The following ERN1 variants were observed in gnomAD, a reference collection of about 807,000 sequenced individuals.
ERN1 encodes endoplasmic reticulum to nucleus signaling 1.
ERN1 carries 39 observed loss-of-function variants against 113.1 expected under a neutral mutation model. That is an observed-to-expected ratio of 0.34 (90% CI 0.27 to 0.45). The LOEUF (loss-of-function observed/expected upper bound fraction) is 0.45. Among genes scored for constraint, ERN1 ranks in the 20% least tolerant of loss-of-function variants. ERN1 has a pLI of 1.00. For synonymous variants in ERN1, 507 were observed against 515.9 expected (o/e 0.98, Z 0.23); for missense variants, 976 against 1,274.8 (o/e 0.77, Z 3.57).
At chr17:64,068,369 T>C in intron 6 of ERN1, 78 bp from the exon 7 acceptor site, 1 of 974,664 alleles carries the variant, frequency 1.0e-6, no homozygotes, top group South Asian at 1.4e-5. Flanking sequence ...TATCTAATTA[T>C]AACAAACAAA....
At chr17:64,107,441 C>T (rs1914559001) in intron 1 of ERN1, among the ~76,000 whole-genome samples, 1 of 152,138 alleles carries the variant, frequency 6.6e-6, no homozygotes, top group South Asian at 2.1e-4. Flanking sequence ...CCCACCTCAG[C>T]CTCCCGAGTA....
Position 64,043,599 on chromosome 17 carries a change from A to T in ERN1, c.*389T>A. On this transcript the variant is annotated 3_prime_UTR_variant, in exon 22 of 22. Transcript: ENST00000433197. ...TGCATCTCAGCCTAGCTGTCCCAGC[A>T]CGCAAGCAAAATGTACGATTCCCTC... 2 of 165,640 alleles carry T rather than the reference A, an allele frequency of 1.2e-5. No individual in the cohort carries two copies. Among genetic ancestry groups the T allele is most frequent in the Non-Finnish European group, 1.3e-5 (1 of 77,272 alleles). The allele number at this position is 165,640 out of a possible 1,614,324, so 10.3% of individuals were successfully genotyped here.
At chr17:64,046,682 A>T (rs1014691308) in intron 19 of ERN1, among the ~76,000 whole-genome samples, 2 of 152,196 alleles carry the variant, frequency 1.3e-5, no homozygotes, top group Non-Finnish European at 2.9e-5. Flanking sequence ...CCTGTCCTCG[A>T]GGAGCTTACA....
chr17:64,100,064 C>T (rs1914342743), intron 1 of ERN1, among the ~76,000 whole-genome samples: 1 of 152,122 alleles, frequency 6.6e-6, no homozygotes, highest in Admixed American at 6.5e-5. Context: ...GTGGTATCTG[C>T]CCTAGCCGGG....
intron 6 of ERN1, among the ~76,000 whole-genome samples, chr17:64,069,278 T>C (rs949119077): frequency 6.6e-6 from 1 of 152,186 alleles, no homozygotes; most frequent in African/African-American, 2.4e-5. Context: ...ATGGCTTTTA[T>C]CTAATGGAAT....
At chr17:64,048,547 G>C (rs1254453836) in intron 18 of ERN1, among the ~76,000 whole-genome samples, 1 of 152,118 alleles carries the variant, frequency 6.6e-6, no homozygotes, top group Non-Finnish European at 1.5e-5. Context: ...AGGCAGCACT[G>C]GAGTGTCATG....
In ERN1 at chr17:64,047,900, G is replaced by A. The variant is rs765215425; in HGVS notation, c.2487C>T (p.His829=). The A allele has an allele frequency of 1.2e-6, 2 of 1,613,368 alleles. No individual in the cohort carries two copies. Among genetic ancestry groups the A allele is most frequent in the South Asian group, 2.2e-5 (2 of 91,038 alleles). Residue 829 remains histidine, a synonymous_variant, in exon 19 of 22, where the codon CAC becomes CAT. Coordinates refer to ENST00000433197, the MANE Select transcript of ERN1 (RefSeq NM_001433.5). ...KRPSAKHVLK[H]PFFWSLEKQL... The stretch of plus-strand genomic sequence containing the variant: ...GCTTCTCTAGGCTCCAGAAGAACGG[G>A]TGTTTGAGCACATGCTTCGCTGAGG...
chr17:64,113,745 G>A (rs547560216), intron 1 of ERN1, among the ~76,000 whole-genome samples: 24 of 152,122 alleles, frequency 1.6e-4, no homozygotes, highest in South Asian at 1.0e-3. Context: ...GTGCAGTGGC[G>A]TGATCTCGGC....
chr17:64,095,114 T>G (rs537330878), intron 2 of ERN1, among the ~76,000 whole-genome samples: 55 of 152,314 alleles, frequency 3.6e-4, no homozygotes, highest in Non-Finnish European at 7.8e-4. Context: ...GCCAGTTTAT[T>G]CTTAGAAAAA....
chr17:64,045,280 G>C, intron 20 of ERN1, 79 bp downstream of exon 20: 1 of 1,555,782 alleles, frequency 6.4e-7, no homozygotes, highest in Non-Finnish European at 8.8e-7. Context: ...AGCCTGGAGC[G>C]GCCATTTCCA....
chr17:64,056,962 A>C (rs1157189984), intron 12 of ERN1, among the ~76,000 whole-genome samples: 1 of 152,106 alleles, frequency 6.6e-6, no homozygotes, highest in Admixed American at 6.6e-5. Context: ...CAGCATCTCG[A>C]TGCTCTGAGC....
chr17:64,083,428 A>C (rs1270398859), intron 2 of ERN1, among the ~76,000 whole-genome samples: 1 of 152,202 alleles, frequency 6.6e-6, no homozygotes, highest in Non-Finnish European at 1.5e-5. Context: ...TGTGAAAAGA[A>C]ACACTGTCCT....
At chr17:64,129,558 C>A (rs985685856) in intron 1 of ERN1, 2 of 349,592 alleles carry the variant, frequency 5.7e-6, no homozygotes, top group Non-Finnish European at 5.1e-6. Flanking sequence ...CCTTTCGGCT[C>A]CTCCGCGGCC....
chr17:64,064,061 T>C lies in ERN1; in HGVS notation c.1012A>G (p.Thr338Ala), dbSNP rs1913138713. 1 of 1,613,846 alleles carries C rather than the reference T, an allele frequency of 6.2e-7. No homozygotes were observed. ...AGTCCGGGATCAAACTTGACGTCCG[T>C]GCTGGGCGTGATCACACACTCCCCC... ...DKGECVITPS[T>A]DVKFDPGLKS... Residue 338 changes from threonine (T) to alanine (A), a missense_variant, in exon 10 of 22, where the codon ACG (threonine) becomes GCG (alanine). By Grantham distance (58) the Thr-to-Ala change is moderately conservative. Coordinates refer to ENST00000433197, the MANE Select transcript of ERN1 (RefSeq NM_001433.5).
intron 1 of ERN1, among the ~76,000 whole-genome samples, chr17:64,112,346 C>T (rs1422964933): frequency 1.3e-4 from 18 of 143,260 alleles, no homozygotes; most frequent in Non-Finnish European, 1.5e-5. Flanking sequence ...CCAGCTTGGG[C>T]GACAGACCGA....
intron 1 of ERN1, among the ~76,000 whole-genome samples, chr17:64,119,571 T>C (rs888716416): frequency 6.6e-6 from 1 of 151,514 alleles, no homozygotes; most frequent in African/African-American, 2.4e-5. Context: ...GTCATTTTTT[T>C]AGTAGAGACG....
rs367860612 is a variant in ERN1, at chr17:64,094,251, C to T, written c.175+3870G>A. 4.2e-4 allele frequency among the ~76,000 whole-genome samples: 64 copies of T among 152,262 alleles called. No individual in the cohort carries two copies. The East Asian group carries it at 5.2e-3, about 12-fold the overall frequency. On this transcript the variant is annotated intron_variant, in intron 2 of 21. Transcript: ENST00000433197. ...TTCACCGTCCTGGAAATCCAGTTGC[C>T]GTGGCTATGGTGGTAAACTATCCTG...
rs775462648 is a variant in ERN1 at position 64,127,757 on chromosome 17, C to CAA, written c.54+2217_54+2218dup. 6.3e-3 allele frequency among the ~76,000 whole-genome samples: 553 copies of CAA among 87,980 alleles called. 9 individuals carry two copies. Among genetic ancestry groups the CAA allele is most frequent in the Middle Eastern group, 0.02 (3 of 150 alleles). The allele number at this position is 87,980 out of a possible 152,430, so 57.7% of individuals were successfully genotyped here. The stretch of plus-strand genomic sequence containing the variant: ...CAACAAGAGCGAAGAAACTCCATAT[C>CAA]AAAAAAAAAAAAAAAAAGAAGTAGT... On this transcript the variant is annotated intron_variant, in intron 1 of 21. Coordinates refer to ENST00000433197, the MANE Select transcript of ERN1 (RefSeq NM_001433.5).
chr17:64,078,774 G>A (rs1166498414), intron 4 of ERN1, among the ~76,000 whole-genome samples: 1 of 152,152 alleles, frequency 6.6e-6, no homozygotes, highest in Non-Finnish European at 1.5e-5. Context: ...GGAGGCTGAG[G>A]TGGGTGGATC....
Sources: allele counts gnomAD v4.1 joint callset (sites outside exome capture counted in the v4.1 genomes callset), GRCh38; gene constraint gnomAD v4.1.1; transcripts MANE v1.5; gene names NCBI Gene and HGNC (gene_info 2026-07-23, HGNC 2026-07-21).